CBLN2: variants seen among roughly 807,000 people sequenced by gnomAD.
The protein encoded by CBLN2 is cerebellin 2 precursor.
A neutral mutation model predicts 15.0 loss-of-function variants in CBLN2; 7 were observed. The ratio of observed to expected loss-of-function variants is 0.47; its 90% CI spans 0.27 to 0.88. CBLN2 has a LOEUF of 0.88. CBLN2 is among the 40% of genes least tolerant of loss of function. The pLI is 0.14. For synonymous variants in CBLN2, 149 were observed against 135.2 expected, an observed-to-expected ratio of 1.10 and a Z score of -0.71; for missense variants, 242 against 304.5, an observed-to-expected ratio of 0.79 and a Z score of 1.53.
intron 1 of CBLN2, among the ~76,000 whole-genome samples, chr18:72,572,545 G>T (rs1310438999): frequency 1.3e-5 from 2 of 151,942 alleles, no homozygotes; most frequent in African/African-American, 4.8e-5. Flanking sequence ...TTTGTCCATG[G>T]CAGTAATCAA....
chr18:72,618,398 G>A (rs1481338215), intron 1 of CBLN2: 7 of 570,648 alleles, frequency 1.2e-5, no homozygotes, highest in African/African-American at 3.7e-5. Flanking sequence ...CAGACTAGGC[G>A]GTCTTGAGAG....
chr18:72,589,327 C>T (rs1468117135), intron 1 of CBLN2, among the ~76,000 whole-genome samples: 3 of 152,118 alleles, frequency 2.0e-5, no homozygotes, highest in African/African-American at 7.2e-5. Flanking sequence ...CCAACAAATT[C>T]AAAAGTAAAT....
chr18:72,541,366 T>G (rs556866786), intron 3 of CBLN2, among the ~76,000 whole-genome samples: 10 of 152,254 alleles, frequency 6.6e-5, no homozygotes, highest in South Asian at 2.1e-4. Context: ...CCAAATGCTG[T>G]CAGAGACTTG....
At chr18:72,553,506 A>C (rs1344723104) in intron 1 of CBLN2, among the ~76,000 whole-genome samples, 1 of 152,184 alleles carries the variant, frequency 6.6e-6, no homozygotes, top group Admixed American at 6.5e-5. Context: ...ATAGATATGA[A>C]AACAGATTAT....
intron 1 of CBLN2, among the ~76,000 whole-genome samples, chr18:72,580,355 T>C (rs1354063003): frequency 1.3e-5 from 2 of 152,158 alleles, no homozygotes; most frequent in Admixed American, 6.5e-5. Context: ...ACTTATTCCA[T>C]TGCAAACACA....
Position 72,630,564 on chromosome 18 carries a change from C to CAGAGAGAGAGAGAGAGAGAGAGAGAGAG in CBLN2, c.15+7760_15+7761insCTCTCTCTCTCTCTCTCTCTCTCTCTCT, listed in dbSNP as rs368831135. 1.3e-4 allele frequency among the ~76,000 whole-genome samples: 17 copies of CAGAGAGAGAGAGAGAGAGAGAGAGAGAG among 135,596 alleles called. No homozygotes were observed. The South Asian group carries it at 1.6e-3, about 12-fold the overall frequency. The allele number at this position is 135,596 out of a possible 152,430, so 89.0% of individuals were successfully genotyped here. On this transcript the variant is annotated intron_variant, in intron 1 of 2. Transcript: ENST00000581073. ...CCTCCCCCCCACACACACACACATG[C>CAGAGAGAGAGAGAGAGAGAGAGAGAGAG]AGAGAGAGAGAGAGAGAGAGAGAGG... is the stretch of plus-strand genomic sequence containing the variant.
intron 1 of CBLN2, among the ~76,000 whole-genome samples, chr18:72,607,721 T>C (rs753359902): frequency 3.4e-5 from 5 of 148,650 alleles, no homozygotes; most frequent in African/African-American, 5.2e-5. Context: ...CTCTCTCTCT[T>C]TTCCTCTAAA....
chr18:72,581,258 A>G (rs2069401926), intron 1 of CBLN2, among the ~76,000 whole-genome samples: 1 of 152,222 alleles, frequency 6.6e-6, no homozygotes, highest in South Asian at 2.1e-4. Context: ...ACCTTGAGGA[A>G]TAAATTGCTT....
chr18:72,581,019 A>G (rs1426073756), intron 1 of CBLN2, among the ~76,000 whole-genome samples: 4 of 152,116 alleles, frequency 2.6e-5, no homozygotes, highest in Non-Finnish European at 5.9e-5. Context: ...ACCACGTTTT[A>G]TGTTTAAGTC....
chr18:72,619,335 A>C (rs1599026258), intron 1 of CBLN2: 2 of 541,578 alleles, frequency 3.7e-6, no homozygotes, highest in East Asian at 9.4e-5. Context: ...GGCAGGGCCT[A>C]GCTGCTACAA....
intron 1 of CBLN2, among the ~76,000 whole-genome samples, chr18:72,601,725 T>C (rs2069549468): frequency 6.6e-6 from 1 of 152,096 alleles, no homozygotes; most frequent in Non-Finnish European, 1.5e-5. Context: ...CCACCCCATT[T>C]TGCAACAATC....
chr18:72,624,550 T>A (rs2069722315), intron 1 of CBLN2, among the ~76,000 whole-genome samples: 1 of 152,102 alleles, frequency 6.6e-6, no homozygotes, highest in African/African-American at 2.4e-5. Flanking sequence ...TGAGGCACAA[T>A]AATTACTTGA....
intron 1 of CBLN2, among the ~76,000 whole-genome samples, chr18:72,586,048 A>AGCTGCAGCTGGGTG (rs1410272859): frequency 2.1e-4 from 32 of 152,174 alleles, no homozygotes; most frequent in Non-Finnish European, 4.0e-4. Flanking sequence ...CCAGGTCTGC[A>AGCTGCAGCTGGGTG]GCTGCAGCTG....
chr18:72,630,564 CAGAGAGAG>C (rs368831135), intron 1 of CBLN2, among the ~76,000 whole-genome samples: 1 of 135,522 alleles, frequency 7.4e-6, no homozygotes, highest in Non-Finnish European at 1.5e-5. Context: ...CACACACATG[CAGAGAGAG>C]AGAGAGAGAG....
intron 1 of CBLN2, among the ~76,000 whole-genome samples, chr18:72,597,385 GAACA>G (rs768999941): frequency 4.6e-5 from 7 of 152,196 alleles, no homozygotes; most frequent in African/African-American, 7.2e-5. Context: ...CACTTTGCCT[GAACA>G]AACAGAGTCT....
chr18:72,625,611 G>A (rs1285793067), intron 1 of CBLN2, among the ~76,000 whole-genome samples: 1 of 146,738 alleles, frequency 6.8e-6, no homozygotes, highest in South Asian at 2.2e-4. Flanking sequence ...GAGTCTGAGG[G>A]TAATACTATA....
intron 1 of CBLN2, among the ~76,000 whole-genome samples, chr18:72,553,858 T>A (rs1015783611): frequency 1.3e-5 from 2 of 152,218 alleles, no homozygotes; most frequent in Admixed American, 6.5e-5. Flanking sequence ...TAAACTCTGA[T>A]CAAAGATCTG....
At chr18:72,597,434 G>A (rs534884669) in intron 1 of CBLN2, among the ~76,000 whole-genome samples, 46 of 152,158 alleles carry the variant, frequency 3.0e-4, no homozygotes, top group East Asian at 1.9e-4. Flanking sequence ...AGCTGAGCTC[G>A]GGATGGCACA....
Position 72,536,895 on chromosome 18 carries a change from G to A in CBLN2, c.*1281C>T, listed in dbSNP as rs1433716417. The A allele has an allele frequency of 6.6e-6, 1 of 152,576 alleles. No individual in the cohort carries two copies. Among genetic ancestry groups the A allele is most frequent in the South Asian group, 2.1e-4 (1 of 4,814 alleles). 9.5% of individuals were successfully genotyped at this position (152,576 alleles called of 1,614,324 possible). A position where few individuals can be genotyped will look rare whatever the true frequency, so the allele number is the denominator to read the frequency against. The stretch of plus-strand genomic sequence containing the variant: ...GTTGTACGAGATGCCAAAACAAGAA[G>A]GATTTGTAACAGTGCTCCTGGGGTA... On this transcript the variant is annotated 3_prime_UTR_variant, in exon 5 of 5. Transcript: ENST00000269503.
Sources: gnomAD v4.1 joint callset for allele counts (sites outside exome capture counted in the v4.1 genomes callset) on GRCh38, gnomAD v4.1.1 for gene constraint, MANE v1.5 for transcripts, NCBI Gene and HGNC (gene_info 2026-07-23, HGNC 2026-07-21) for gene names.